NCOR2: variants seen among roughly 807,000 people sequenced by gnomAD.
The protein encoded by NCOR2 is nuclear receptor corepressor 2.
A neutral mutation model predicts 262.9 loss-of-function variants in NCOR2; 81 were observed. The observed-to-expected ratio is 0.31, with a 90% CI of 0.26 to 0.37. NCOR2 has a LOEUF of 0.37. Ranked by LOEUF, NCOR2 falls within the 10% of genes least tolerant of loss-of-function variation. The pLI is 1.00. For synonymous variants in NCOR2, 1,659 were observed against 1,559.3 expected, an observed-to-expected ratio of 1.06 and a Z score of -1.51; for missense variants, 3,385 against 3,621.4, an observed-to-expected ratio of 0.93 and a Z score of 1.68.
rs2039537671 is a variant in NCOR2 at position 124,371,709 on chromosome 12, C to T, written c.2807+313G>A. The stretch of plus-strand genomic sequence containing the variant: ...TTAAAAGCCACCTGGCTCGAACTAC[C>T]TTGTGAGGGCGGCCCTAGGAAGCGA... On this transcript the variant is annotated intron_variant, in intron 20 of 46. Transcript: ENST00000405201. Among the ~76,000 whole-genome samples, 4 of 152,200 alleles carry T rather than the reference C, an allele frequency of 2.6e-5. No homozygotes were observed. In the South Asian group the frequency reaches 8.3e-4, roughly 31 times the overall value.
At chr12:124,351,246 C>T (rs1354510191) in intron 27 of NCOR2, among the ~76,000 whole-genome samples, 1 of 152,178 alleles carries the variant, frequency 6.6e-6, no homozygotes, top group Non-Finnish European at 1.5e-5. Flanking sequence ...GTGCTGTACC[C>T]GTGACCACGT....
intron 1 of NCOR2, among the ~76,000 whole-genome samples, chr12:124,529,547 A>G (rs187514484): frequency 6.6e-6 from 1 of 152,338 alleles, no homozygotes; most frequent in African/African-American, 2.4e-5. Context: ...AACTGGTGCA[A>G]TCCGGCACTG....
In NCOR2 at chr12:124,559,001, C is replaced by G. The variant is rs758494199; in HGVS notation, c.-165+8307G>C. On this transcript the variant is annotated intron_variant, in intron 1 of 32. Coordinates refer to the NCOR2 transcript ENST00000458234. ...TAGGCCACGGAAAACCAAGTGAACC[C>G]TGGGAGACAAGAGGCGGAGAGGGCC... is the stretch of plus-strand genomic sequence containing the variant. Among the ~76,000 whole-genome samples the G allele has an allele frequency of 2.0e-4, 30 of 152,314 alleles. 1 individual carries two copies. The highest frequency in any genetic ancestry group is 5.9e-4 in the Admixed American group (9 of 15,302).
At chr12:124,359,781 C>T (rs2038377441) in intron 22 of NCOR2, among the ~76,000 whole-genome samples, 1 of 152,202 alleles carries the variant, frequency 6.6e-6, no homozygotes, top group African/African-American at 2.4e-5. Flanking sequence ...CCAGTTGGGC[C>T]CAGGGGGCCC....
At position 124,381,914 on chromosome 12, in the gene NCOR2, C is replaced by G. The variant is rs77740881; in HGVS notation, c.2020-3530G>C. ...ACTGATGCCAAGTGTTACATAACTC[C>G]GGGACATGCCCCGCCCGCCCGGCCG... On this transcript the variant is annotated intron_variant, in intron 17 of 46. Coordinates refer to ENST00000405201, the Ensembl canonical transcript of NCOR2. Among the ~76,000 whole-genome samples the G allele has an allele frequency of 2.2e-3, 331 of 152,336 alleles. 4 individuals are homozygous for G. The highest frequency in any genetic ancestry group is 0.021 in the East Asian group (110 of 5,180).
chr12:124,391,684 C>A (rs1339402025), intron 16 of NCOR2, among the ~76,000 whole-genome samples: 3 of 152,170 alleles, frequency 2.0e-5, no homozygotes, highest in African/African-American at 4.8e-5. Flanking sequence ...TCTACTCTTT[C>A]AAAAATCAGC....
chr12:124,525,791 G>A (rs977793058), intron 1 of NCOR2, among the ~76,000 whole-genome samples: 4 of 152,194 alleles, frequency 2.6e-5, no homozygotes, highest in Non-Finnish European at 2.9e-5. Context: ...CAGGCGTTCT[G>A]GGTTCACATC....
At position 124,400,688 on chromosome 12, in the gene NCOR2, G is replaced by A. The variant is rs879190660; in HGVS notation, c.1641-15C>T. On this transcript the variant is annotated splice_polypyrimidine_tract_variant and intron_variant, in intron 14 of 46. Coordinates refer to ENST00000405201, the Ensembl canonical transcript of NCOR2. ...CTGTCTTCTCCCTACAGGCCAGAGA[G>A]GGGAGATAGGATGGCTTCACCCGAG... is the stretch of plus-strand genomic sequence containing the variant. 5 of 1,611,434 alleles carry A rather than the reference G, an allele frequency of 3.1e-6. No homozygotes were observed. In the South Asian group the frequency reaches 3.3e-5, roughly 11 times the overall value.
chr12:124,349,361 C>T (rs1234080673), intron 28 of NCOR2, among the ~76,000 whole-genome samples: 1 of 152,216 alleles, frequency 6.6e-6, no homozygotes, highest in Non-Finnish European at 1.5e-5. Context: ...GGCTCTCGGG[C>T]TTTTCAACCA....
At chr12:124,353,822 C>A (rs373543964) in intron 27 of NCOR2, among the ~76,000 whole-genome samples, 54 of 152,352 alleles carry the variant, frequency 3.5e-4, no homozygotes, top group Middle Eastern at 3.4e-3. Flanking sequence ...ATTCTGCCTG[C>A]CTGCTCGGTT....
At chr12:124,417,525 C>T (rs2042976173) in intron 13 of NCOR2, among the ~76,000 whole-genome samples, 1 of 151,824 alleles carries the variant, frequency 6.6e-6, no homozygotes, top group African/African-American at 2.4e-5. Context: ...CCTCAATGCC[C>T]CCAAACAGGT....
chr12:124,354,510 AC>A lies in NCOR2; in HGVS notation c.3556del (p.Val1186CysfsTer10). On this transcript the variant is annotated frameshift_variant, in exon 26 of 47. Transcript: ENST00000405201. LOFTEE classifies it high-confidence loss of function. ...CACGGACGCCTCCTGGGCTGTGGGC[AC>A]CCCCAGGCTCTCCGGTGGCCCAGCC... The A allele has an allele frequency of 1.3e-6, 2 of 1,586,584 alleles. No homozygotes were observed. Among genetic ancestry groups the A allele is most frequent in the Admixed American group, 1.8e-5 (1 of 56,536 alleles).
intron 16 of NCOR2, among the ~76,000 whole-genome samples, chr12:124,396,643 GTC>G (rs2041676505): frequency 1.3e-5 from 2 of 152,242 alleles, no homozygotes; most frequent in South Asian, 2.1e-4. Context: ...TGGTGCGAGG[GTC>G]TCTCTGGGTC....
intron 20 of NCOR2, among the ~76,000 whole-genome samples, chr12:124,370,537 C>A (rs960057655): frequency 6.6e-6 from 1 of 152,154 alleles, no homozygotes; most frequent in African/African-American, 2.4e-5. Context: ...ACAGACCACA[C>A]TGTAGTTGAA....
At position 124,341,696 on chromosome 12, in the gene NCOR2, G is replaced by A. The variant is rs2036474872; in HGVS notation, c.5188+127C>T. ...CGCACAACCCCAGGCCACCCACTCAGGTCCGTTCACACAAGGTGACCCACA... is the reference window on the plus strand; with the variant it reads ...CGCACAACCCCAGGCCACCCACTCAAGTCCGTTCACACAAGGTGACCCACA... On this transcript the variant is annotated intron_variant, in intron 34 of 46. Coordinates refer to ENST00000405201, the Ensembl canonical transcript of NCOR2. 2.8e-6 allele frequency: 4 copies of A among 1,410,778 alleles called. No individual in the cohort carries two copies. The Admixed American group carries it at 8.6e-5, about 30-fold the overall frequency. 87.4% of individuals were successfully genotyped at this position (1,410,778 alleles called of 1,614,324 possible).
chr12:124,417,987 G>C (rs2042998694), intron 13 of NCOR2, among the ~76,000 whole-genome samples: 1 of 151,868 alleles, frequency 6.6e-6, no homozygotes, highest in Non-Finnish European at 1.5e-5. Flanking sequence ...CTCTAACCCA[G>C]GAGGCAGAGG....
intron 6 of NCOR2, among the ~76,000 whole-genome samples, chr12:124,451,742 G>C (rs2045554437): frequency 6.6e-6 from 1 of 152,152 alleles, no homozygotes; most frequent in Non-Finnish European, 1.5e-5. Context: ...TGCAGCCTCA[G>C]GGCAGGGCTG....
exon 20 of NCOR2, chr12:124,372,432 G>A: frequency 1.3e-6 from 2 of 1,522,554 alleles, no homozygotes; most frequent in Non-Finnish European, 1.7e-6. Context: ...TGGCTTCAGA[G>A]GCCGGGGTGG....
intron 1 of NCOR2, among the ~76,000 whole-genome samples, chr12:124,522,843 C>G (rs2050260662): frequency 6.6e-6 from 1 of 152,238 alleles, no homozygotes; most frequent in African/African-American, 2.4e-5. Context: ...GAGCTGGAAA[C>G]AGACCTGAGA....
Sources: allele counts gnomAD v4.1 joint callset (sites outside exome capture counted in the v4.1 genomes callset), GRCh38; gene constraint gnomAD v4.1.1; transcripts MANE v1.5; gene names NCBI Gene and HGNC (gene_info 2026-07-23, HGNC 2026-07-21).